Variants in WDFY4 observed in about 807,000 individuals in gnomAD.
The protein encoded by WDFY4 is WD repeat- and FYVE domain-containing protein 4.
In WDFY4, 169 loss-of-function variants were observed where a neutral mutation model predicts 351.9. The ratio of observed to expected loss-of-function variants is 0.48; its 90% confidence interval spans 0.42 to 0.55. The LOEUF (loss-of-function observed/expected upper bound fraction) is 0.55, where lower values mean the gene tolerates loss of function less well. WDFY4 is among the 20% of genes least tolerant of loss of function. The probability of loss-of-function intolerance (pLI) is 0.00; values close to 1 mark genes in which losing one functional copy is unlikely to be tolerated. For missense variants in WDFY4, 3,803 were observed against 3,935.6 expected, an observed-to-expected ratio of 0.97 and a Z score of 0.90; for synonymous variants, 1,622 against 1,574.6, an observed-to-expected ratio of 1.03 and a Z score of -0.71.
At chr10:48,745,713 T>C (rs549094975) in intron 12 of WDFY4, 2 of 565,578 alleles carry the variant, frequency 3.5e-6, no homozygotes, top group Admixed American at 4.6e-5. Flanking sequence ...AGCCAGCCTC[T>C]TGAGCCAGGC....
chr10:48,952,135 G>C (rs1841355510), intron 51 of WDFY4, among the ~76,000 whole-genome samples: 1 of 152,234 alleles, frequency 6.6e-6, no homozygotes, highest in South Asian at 2.1e-4. Flanking sequence ...TCAGTGCCAG[G>C]ATTCTTGGTG....
chr10:48,937,908 T>TCCCTGCCACACTCTAC (rs1840490441), intron 47 of WDFY4, among the ~76,000 whole-genome samples: 2 of 152,086 alleles, frequency 1.3e-5, no homozygotes, highest in African/African-American at 2.4e-5. Flanking sequence ...AACAACTCTG[T>TCCCTGCCACACTCTAC]CCCTGCCACA....
intron 23 of WDFY4, among the ~76,000 whole-genome samples, chr10:48,795,491 G>GTATATATATA (rs60705301): frequency 5.9e-4 from 60 of 101,192 alleles, no homozygotes; most frequent in African/African-American, 7.7e-4. Flanking sequence ...GTGTGTGTCT[G>GTATATATATA]TATATATATA....
At chr10:48,913,409 G>T in intron 47 of WDFY4, 1 of 1,611,890 alleles carries the variant, frequency 6.2e-7, no homozygotes, top group Non-Finnish European at 8.5e-7. Flanking sequence ...CTTCCCAGGA[G>T]TCCTTGGCCA....
intron 12 of WDFY4, among the ~76,000 whole-genome samples, chr10:48,748,536 C>T (rs2065080892): frequency 6.6e-6 from 1 of 152,166 alleles, no homozygotes; most frequent in South Asian, 2.1e-4. Flanking sequence ...AAATGTCTGA[C>T]ACGACAGCCT....
At chr10:48,724,928 A>C (rs1175328840) in intron 5 of WDFY4, among the ~76,000 whole-genome samples, 1 of 152,210 alleles carries the variant, frequency 6.6e-6, no homozygotes, top group Non-Finnish European at 1.5e-5. Context: ...CTGGGCAATG[A>C]TGGTGACAGG....
intron 19 of WDFY4, among the ~76,000 whole-genome samples, chr10:48,782,358 G>A (rs1034641199): frequency 1.6e-4 from 25 of 152,168 alleles, no homozygotes; most frequent in African/African-American, 5.6e-4. Flanking sequence ...TGAACTTGGC[G>A]CAGGGGCTGA....
chr10:48,942,331 G>T (rs1014526685), intron 48 of WDFY4, among the ~76,000 whole-genome samples: 1 of 152,202 alleles, frequency 6.6e-6, no homozygotes, highest in Admixed American at 6.5e-5. Context: ...CGGTGATGGA[G>T]TACAAATCTT....
At chr10:48,822,622 C>T in intron 35 of WDFY4, 85 bp downstream of exon 35, 1 of 1,352,314 alleles carries the variant, frequency 7.4e-7, no homozygotes, top group Middle Eastern at 2.0e-4. Flanking sequence ...ACTGGATCTG[C>T]CCTCCCTCCC....
intron 29 of WDFY4, among the ~76,000 whole-genome samples, 188 bp from the exon 30 acceptor site, chr10:48,811,351 A>C (rs777831200): frequency 6.6e-6 from 1 of 152,214 alleles, no homozygotes; most frequent in Non-Finnish European, 1.5e-5. Context: ...ATGAATGAGC[A>C]TGTCAGGAAC....
In WDFY4 at chr10:48,743,157, G is replaced by T. The variant is rs150767682; in HGVS notation, c.2068G>T (p.Ala690Ser). 121 of 1,551,696 alleles carry T rather than the reference G, an allele frequency of 7.8e-5. No homozygotes were observed. The African/African-American group carries it at 9.0e-4, about 12-fold the overall frequency. ...TTTGTACACTCTCTGTGCTGTGTCCGCAGCGCTGCACTGGGACCCTGTCAA... is the reference window on the plus strand; with the variant it reads ...TTTGTACACTCTCTGTGCTGTGTCCTCAGCGCTGCACTGGGACCCTGTCAA... ...LVLYTLCAVS[A>S]ALHWDPVNGY... Residue 690 changes from alanine (A) to serine (S), a missense_variant, in exon 12 of 62, where the codon GCA becomes TCA. Physicochemically the swap from Ala to Ser is moderately conservative, Grantham distance 99 (BLOSUM62 1). This residue lies in a region of WDFY4 where 3,054 missense variants were observed against 3,148.6 expected (regional missense o/e 0.97). Transcript: ENST00000325239.
chr10:48,775,191 A>C (rs1480227322), intron 14 of WDFY4, among the ~76,000 whole-genome samples: 1 of 152,178 alleles, frequency 6.6e-6, no homozygotes, highest in Non-Finnish European at 1.5e-5. Flanking sequence ...ACAGGGTGGG[A>C]AGCAGGGAGC....
chr10:48,981,411 G>A lies in WDFY4; in HGVS notation c.9421G>A (p.Val3141Ile), dbSNP rs1336220157. 8 of 1,551,792 alleles carry A rather than the reference G, an allele frequency of 5.2e-6. No homozygotes were observed. The highest frequency in any genetic ancestry group is 3.3e-4 in the Middle Eastern group (2 of 5,990). The change falls in exon 61 of 62, where the codon GTT (valine) becomes ATT (isoleucine). Residue 3141 changes from valine to isoleucine, a missense_variant. By Grantham distance (29) the Val-to-Ile change is conservative. This residue lies in a region of WDFY4 where 3,054 missense variants were observed against 3,148.6 expected (regional missense o/e 0.97). Transcript: ENST00000325239. The part of the protein sequence containing the change: ...KNLALSRELD[V>I]SIALTGKPSK... ...CCTGGCCTTGAGTCGAGAGCTGGAC[G>A]TTAGCATTGCTTTGACAGGGAAGCC...
At chr10:48,863,026 A>G (rs1187401945) in intron 39 of WDFY4, among the ~76,000 whole-genome samples, 1 of 152,230 alleles carries the variant, frequency 6.6e-6, no homozygotes, top group Non-Finnish European at 1.5e-5. Flanking sequence ...ACATGTGTCA[A>G]TACATCATTC....
chr10:48,698,098 G>C (rs559839877), intron 1 of WDFY4, among the ~76,000 whole-genome samples: 1 of 152,242 alleles, frequency 6.6e-6, no homozygotes, highest in South Asian at 2.1e-4. Context: ...CCTGCTTCTC[G>C]ACAGGCCATC....
At chr10:48,823,223 C>T in intron 35 of WDFY4, 1 of 1,303,572 alleles carries the variant, frequency 7.7e-7, no homozygotes, top group Non-Finnish European at 1.0e-6. Flanking sequence ...CCTGACAAGC[C>T]TCCAGGAAAC....
In WDFY4 at chr10:48,982,894, G is replaced by C. The variant is rs1842865751; in HGVS notation, c.*319G>C. 2.5e-6 allele frequency: 1 copy of C among 392,572 alleles called. No individual in the cohort carries two copies. 24.3% of individuals were successfully genotyped at this position (392,572 alleles called of 1,614,324 possible). ...TATTGCACTGAAAAAAAAAAAGATGGGTCGCTTACTGGAAATTATTGTATT... is the reference window on the plus strand; with the variant it reads ...TATTGCACTGAAAAAAAAAAAGATGCGTCGCTTACTGGAAATTATTGTATT... On this transcript the variant is annotated 3_prime_UTR_variant, in exon 62 of 62. Coordinates refer to ENST00000325239, the MANE Select transcript of WDFY4 (RefSeq NM_001394531.1).
chr10:48,783,476 G>A lies in WDFY4; in HGVS notation c.3577-3163G>A, dbSNP rs116142464. Among the ~76,000 whole-genome samples the A allele has an allele frequency of 5.6e-3, 766 of 136,192 alleles. 10 individuals carry two copies. The highest frequency in any genetic ancestry group is 0.018 in the African/African-American group (721 of 40,182). 89.3% of individuals were successfully genotyped at this position (136,192 alleles called of 152,430 possible). A position where few individuals can be genotyped will look rare whatever the true frequency, so the allele number is the denominator to read the frequency against. ...TGTACATATTTATATATGTACAATT[G>A]TATATATCTTATGTATATATCTTAT... On this transcript the variant is annotated intron_variant, in intron 19 of 61. Transcript: ENST00000325239.
chr10:48,691,300 G>A (rs1156820158), intron 1 of WDFY4, among the ~76,000 whole-genome samples: 1 of 152,190 alleles, frequency 6.6e-6, no homozygotes, highest in Admixed American at 6.5e-5. Flanking sequence ...GTCCTGTGCA[G>A]AGCCTCCTCC....
Sources: allele counts gnomAD v4.1 joint callset (sites outside exome capture counted in the v4.1 genomes callset), GRCh38; gene constraint gnomAD v4.1.1; regional missense constraint gnomAD v4.1.1; transcripts MANE v1.5; gene names NCBI Gene and HGNC (gene_info 2026-07-23, HGNC 2026-07-21).